The following PSTPIP1 variants were observed in gnomAD, a reference collection of about 807,000 sequenced individuals.
PSTPIP1 encodes the protein proline-serine-threonine phosphatase interacting protein 1.
In PSTPIP1, 66 loss-of-function variants were observed where a neutral mutation model predicts 69.6. That is an observed-to-expected ratio of 0.95 (90% CI 0.78 to 1.16). The LOEUF is 1.16. PSTPIP1 is among the 50% of genes most tolerant of loss of function. PSTPIP1 has a pLI of 0.00. For synonymous variants in PSTPIP1, 266 were observed against 222.7 expected (o/e 1.19, Z -1.73); for missense variants, 603 against 557.4 (o/e 1.08, Z -0.82).
rs1470154810 is a variant in PSTPIP1 at position 77,018,473 on chromosome 15, C to T, written c.154C>T (p.Arg52Trp). 6.3e-6 allele frequency: 10 copies of T among 1,583,688 alleles called. No homozygotes were observed. The highest frequency in any genetic ancestry group is 1.3e-5 in the African/African-American group (1 of 74,452). The change falls in exon 3 of 15, where the codon CGG becomes TGG. Residue 52 changes from arginine to tryptophan, a missense_variant. Arg to Trp is a moderately radical substitution (Grantham distance 101, BLOSUM62 -3). Transcript: ENST00000558012. Reference protein sequence around the residue: ...LLRQRAQAEERYGKELVQIAR... With the variant: ...LLRQRAQAEEWYGKELVQIAR... ...TTTTTGCAGGGCCCAGGCGGAGGAG[C>T]GGTACGGGAAGGAGCTGGTGCAGAT...
At chr15:76,997,377 T>A (rs1274809988) in intron 1 of PSTPIP1, among the ~76,000 whole-genome samples, 1 of 151,902 alleles carries the variant, frequency 6.6e-6, no homozygotes, top group Non-Finnish European at 1.5e-5. Flanking sequence ...ACTGTAGGCA[T>A]CACCTGCCCC....
rs188609490 is a variant in PSTPIP1 at position 76,997,479 on chromosome 15, G to A, written c.36+1870G>A. 7.9e-4 allele frequency among the ~76,000 whole-genome samples: 121 copies of A among 152,340 alleles called. 1 individual carries two copies. Among genetic ancestry groups the A allele is most frequent in the Admixed American group, 7.8e-3 (119 of 15,310 alleles). On this transcript the variant is annotated intron_variant, in intron 1 of 14. Transcript: ENST00000558012. Reference sequence around the variant, plus strand: ...GCTGAGCACGAAAGATGTGCCAGGCGCTGTTCTCAAGATGTATGCATATTC... The same window carrying A: ...GCTGAGCACGAAAGATGTGCCAGGCACTGTTCTCAAGATGTATGCATATTC...
chr15:77,031,164 C>A lies in PSTPIP1; in HGVS notation c.643-16C>A. ...AGCCGCCTCCTCACTGCTCACCTCC[C>A]TCCCACTGCCCCCAGGCCTTTCAGC... On this transcript the variant is annotated splice_polypyrimidine_tract_variant and intron_variant, in intron 9 of 14. Coordinates refer to ENST00000558012, the MANE Select transcript of PSTPIP1 (RefSeq NM_003978.5). 1 of 1,610,494 alleles carries A rather than the reference C, an allele frequency of 6.2e-7. No individual in the cohort carries two copies. Among genetic ancestry groups the A allele is most frequent in the South Asian group, 1.1e-5 (1 of 90,970 alleles).
chr15:77,017,945 T>G (rs1184387614), intron 1 of PSTPIP1, among the ~76,000 whole-genome samples: 1 of 152,228 alleles, frequency 6.6e-6, no homozygotes, highest in Admixed American at 6.5e-5. Context: ...GGCTCACTTA[T>G]GTACCTGTCA....
At chr15:77,007,730 G>T in intron 1 of PSTPIP1, 1 of 354,606 alleles carries the variant, frequency 2.8e-6, no homozygotes, top group Admixed American at 3.6e-5. Flanking sequence ...GAGTAGCTGG[G>T]ACTACAGGCA....
chr15:77,006,742 T>C (rs990450233), intron 1 of PSTPIP1, among the ~76,000 whole-genome samples: 3 of 152,222 alleles, frequency 2.0e-5, no homozygotes, highest in African/African-American at 7.2e-5. Flanking sequence ...TTGTCAAAAA[T>C]CAATTGACCA....
At chr15:76,997,505 A>C (rs1407914133) in intron 1 of PSTPIP1, among the ~76,000 whole-genome samples, 2 of 152,222 alleles carry the variant, frequency 1.3e-5, no homozygotes, top group Non-Finnish European at 2.9e-5. Context: ...ATGCATATTC[A>C]CTCATTCAAT....
At position 76,995,149 on chromosome 15, in the gene PSTPIP1, G is replaced by GCTGC. The variant is rs55909412; in HGVS notation, c.-405_-402dup. On this transcript the variant is annotated 5_prime_UTR_variant, in exon 1 of 15. Transcript: ENST00000558012. ...ACAAACCTTCCTGCGCAGGCCTCGG[G>GCTGC]CTGCCTGCCTGCCTGCCTGCCTGGC... The GCTGC allele has an allele frequency of 0.074, 86,544 of 1,170,486 alleles. 2,969 individuals are homozygous for GCTGC. Among genetic ancestry groups the GCTGC allele is most frequent in the Middle Eastern group, 0.1 (264 of 2,582 alleles). 72.5% of individuals were successfully genotyped at this position (1,170,486 alleles called of 1,614,324 possible). A position where few individuals can be genotyped will look rare whatever the true frequency, so the allele number is the denominator to read the frequency against.
chr15:77,025,195 C>T (rs892089308), intron 3 of PSTPIP1, 89 bp from the exon 4 acceptor site: 28 of 1,423,240 alleles, frequency 2.0e-5, no homozygotes, highest in Admixed American at 5.0e-5. Flanking sequence ...TAAAAGTCCT[C>T]CCCACTGCCC....
rs1380041901 is a variant in PSTPIP1 at position 77,029,405 on chromosome 15, T to C, written c.517-124T>C. On this transcript the variant is annotated intron_variant, in intron 7 of 14. Coordinates refer to ENST00000558012, the MANE Select transcript of PSTPIP1 (RefSeq NM_003978.5). ...GCTTGTGGATGATGGCATCTGCCCA[T>C]AGTTGGCTCCTGAATGTTCCCCCCA... 3.6e-6 allele frequency: 4 copies of C among 1,103,978 alleles called. No individual in the cohort carries two copies. In the Admixed American group the frequency reaches 6.4e-5, roughly 18 times the overall value. 68.4% of individuals were successfully genotyped at this position (1,103,978 alleles called of 1,614,324 possible). A position where few individuals can be genotyped will look rare whatever the true frequency, so the allele number is the denominator to read the frequency against.
chr15:76,994,915 TG>T (rs2075539571), upstream of PSTPIP1: 19 of 1,272,744 alleles, frequency 1.5e-5, no homozygotes, highest in Non-Finnish European at 1.7e-5. Flanking sequence ...GTGACACACC[TG>T]GGGTTCCTGG....
chr15:77,034,315 G>A (rs912900776), intron 12 of PSTPIP1, among the ~76,000 whole-genome samples: 18 of 152,128 alleles, frequency 1.2e-4, no homozygotes, highest in Non-Finnish European at 2.4e-4. Flanking sequence ...TTTGCTGCCT[G>A]GGGAGCTGGC....
chr15:77,035,468 TG>T, intron 12 of PSTPIP1, 39 bp from the exon 13 acceptor site: 1 of 1,557,972 alleles, frequency 6.4e-7, no homozygotes, highest in Non-Finnish European at 8.7e-7. Flanking sequence ...TCCCTGAGTG[TG>T]GGGCGGGGAC....
At chr15:76,995,090 G>T (rs559651377), upstream of PSTPIP1, 1 of 1,177,648 alleles carries the variant, frequency 8.5e-7, no homozygotes, top group Non-Finnish European at 1.1e-6. Flanking sequence ...CTTCCTGTGG[G>T]CGAGGGCCCT....
chr15:77,009,604 C>A (rs865893164), intron 1 of PSTPIP1, among the ~76,000 whole-genome samples: 1 of 152,200 alleles, frequency 6.6e-6, no homozygotes, highest in Non-Finnish European at 1.5e-5. Context: ...ATGCATGAAT[C>A]CCCTCGGCTG....
In PSTPIP1 at chr15:76,995,398, C is replaced by T; in HGVS notation, c.-176C>T. ...ACAAAACAGGTTGAGCTTTTTCCTCCCCTCAGAAGCTCCTCTCTGGCTCGT... is the reference window on the plus strand; with the variant it reads ...ACAAAACAGGTTGAGCTTTTTCCTCTCCTCAGAAGCTCCTCTCTGGCTCGT... On this transcript the variant is annotated 5_prime_UTR_variant, in exon 1 of 15. Coordinates refer to ENST00000558012, the MANE Select transcript of PSTPIP1 (RefSeq NM_003978.5). 1 of 1,451,480 alleles carries T rather than the reference C, an allele frequency of 6.9e-7. No homozygotes were observed. Among genetic ancestry groups the T allele is most frequent in the Non-Finnish European group, 9.0e-7 (1 of 1,106,536 alleles). 89.9% of individuals were successfully genotyped at this position (1,451,480 alleles called of 1,614,324 possible). A position where few individuals can be genotyped will look rare whatever the true frequency, so the allele number is the denominator to read the frequency against.
intron 1 of PSTPIP1, among the ~76,000 whole-genome samples, chr15:77,016,930 C>T (rs1010613870): frequency 1.3e-5 from 2 of 152,090 alleles, no homozygotes; most frequent in Admixed American, 6.5e-5. Context: ...CATGTGTGTG[C>T]GACCCTGGAG....
At chr15:77,035,392 C>A in intron 12 of PSTPIP1, 116 bp from the exon 13 acceptor site, 1 of 1,137,232 alleles carries the variant, frequency 8.8e-7, no homozygotes, top group Non-Finnish European at 1.3e-6. Flanking sequence ...TAGGGGCAGT[C>A]CCAGCCCTGG....
intron 8 of PSTPIP1, among the ~76,000 whole-genome samples, chr15:77,030,099 G>A (rs1005354284): frequency 2.0e-5 from 3 of 152,114 alleles, no homozygotes; most frequent in Admixed American, 6.5e-5. Context: ...TCGGCTGGGG[G>A]ACAGGTGACC....
Sources: allele counts gnomAD v4.1 joint callset (sites outside exome capture counted in the v4.1 genomes callset), GRCh38; gene constraint gnomAD v4.1.1; transcripts MANE v1.5; gene names NCBI Gene and HGNC (gene_info 2026-07-23, HGNC 2026-07-21).